Variants in DVL1 observed in about 807,000 individuals in gnomAD.
DVL1 encodes dishevelled segment polarity protein 1, also known as segment polarity protein dishevelled homolog DVL-1.
DVL1 carries 49 observed loss-of-function variants against 65.0 expected under a neutral mutation model. The ratio of observed to expected loss-of-function variants is 0.75; its 90% confidence interval spans 0.60 to 0.96. The LOEUF is 0.96. Among genes scored for constraint, DVL1 ranks in the 40% least tolerant of loss-of-function variants. DVL1 has a pLI of 0.00. For synonymous variants in DVL1, 608 were observed against 433.9 expected (o/e 1.40, Z -4.99); for missense variants, 1,197 against 1,045.4 (o/e 1.15, Z -2.00).
intron 8 of DVL1, 112 bp downstream of exon 8, chr1:1,339,926 G>GCTACATGTCACC (rs1643730377): frequency 6.5e-7 from 1 of 1,545,432 alleles, no homozygotes; most frequent in Non-Finnish European, 8.7e-7. Context: ...CCCACCCGCA[G>GCTACATGTCACC]CCGCATGTCC....
Position 1,335,313 on chromosome 1 carries a change from A to G in DVL1, c.*829T>C, listed in dbSNP as rs1166881089. 1 of 152,260 alleles carries G rather than the reference A, an allele frequency of 6.6e-6. No individual in the cohort carries two copies. The highest frequency in any genetic ancestry group is 2.4e-5 in the African/African-American group (1 of 41,464). 9.4% of individuals were successfully genotyped at this position (152,260 alleles called of 1,614,324 possible). A position where few individuals can be genotyped will look rare whatever the true frequency, so the allele number is the denominator to read the frequency against. ...TTAAACGCTTTTTAGTGTTTAAAAT[A>G]AGCAGCATTTACACAGAAGCAGCTC... On this transcript the variant is annotated 3_prime_UTR_variant, in exon 15 of 15. Coordinates refer to ENST00000378888, the MANE Select transcript of DVL1 (RefSeq NM_001330311.2).
rs1323307022 is a variant in DVL1, at chr1:1,336,094, G to A, written c.*48C>T. On this transcript the variant is annotated 3_prime_UTR_variant, in exon 15 of 15. Coordinates refer to ENST00000378888, the MANE Select transcript of DVL1 (RefSeq NM_001330311.2). ...GCCCACGCGAGCTCTGCATGCGGCA[G>A]GACCGCCAGCTCCCCACCTCAGGCA... 3.9e-6 allele frequency: 6 copies of A among 1,550,700 alleles called. No homozygotes were observed. Among genetic ancestry groups the A allele is most frequent in the Admixed American group, 1.9e-5 (1 of 53,456 alleles).
At chr1:1,338,229 T>TTGGGGGG in intron 13 of DVL1, 40 bp downstream of exon 13, 3 of 1,522,366 alleles carry the variant, frequency 2.0e-6, no homozygotes, top group Non-Finnish European at 2.7e-6. Flanking sequence ...CCTCCGGCGT[T>TTGGGGGG]CCCCTCCCCC....
chr1:1,336,752 C>T (rs1376582138), intron 14 of DVL1, among the ~76,000 whole-genome samples: 3 of 152,282 alleles, frequency 2.0e-5, no homozygotes, highest in East Asian at 3.9e-4. Context: ...GCAAGCTGGG[C>T]GCCCCCACAC....
rs148933527 is a variant in DVL1 at position 1,341,741 on chromosome 1, G to A, written c.531C>T (p.Ser177=). ...RRRDVGLPPD[S]ASTALSSELE... is the part of the protein sequence containing the mutation. Reference sequence around the variant, plus strand: ...GCTCGCTGCTGAGGGCGGTGGACGCGCTGTCTGGGGGCAGCCCCACATCCC... The same window carrying A: ...GCTCGCTGCTGAGGGCGGTGGACGCACTGTCTGGGGGCAGCCCCACATCCC... The change falls in exon 5 of 15, where the codon AGC becomes AGT. Residue 177 remains serine (S), a synonymous_variant. Coordinates refer to ENST00000378888, the MANE Select transcript of DVL1 (RefSeq NM_001330311.2). 1.4e-3 allele frequency: 2,191 copies of A among 1,609,644 alleles called. 5 individuals are homozygous for A. Among genetic ancestry groups the A allele is most frequent in the Non-Finnish European group, 1.7e-3 (2,002 of 1,178,068 alleles).
chr1:1,342,903 C>T lies in DVL1; in HGVS notation c.171-145G>A, dbSNP rs540224673. The T allele has an allele frequency of 2.4e-4, 177 of 735,326 alleles. 1 individual carries two copies. The South Asian group carries it at 2.7e-3, about 11-fold the overall frequency. The allele number at this position is 735,326 out of a possible 1,614,324, so 45.6% of individuals were successfully genotyped here. A position where few individuals can be genotyped will look rare whatever the true frequency, so the allele number is the denominator to read the frequency against. ...GCTAGCGCATTCTCCTCTTGGGAAC[C>T]GTCCTTCCTCTCCGTCACATCCTGG... On this transcript the variant is annotated intron_variant, in intron 1 of 14. Transcript: ENST00000378888.
intron 1 of DVL1, among the ~76,000 whole-genome samples, chr1:1,343,071 CA>C (rs750233083): frequency 6.6e-6 from 1 of 152,170 alleles, no homozygotes; most frequent in Non-Finnish European, 1.5e-5. Context: ...GACATCCTCA[CA>C]GGGGCAGCTC....
chr1:1,339,684 T>C (rs751585831), intron 9 of DVL1, 35 bp from the exon 10 acceptor site: 24 of 1,612,298 alleles, frequency 1.5e-5, no homozygotes, highest in Non-Finnish European at 1.9e-5. Context: ...AAGGCCCCCA[T>C]GGTCCCACCT....
intron 1 of DVL1, among the ~76,000 whole-genome samples, chr1:1,348,433 G>A (rs1006123118): frequency 1.6e-4 from 25 of 152,218 alleles, no homozygotes; most frequent in Admixed American, 1.2e-3. Context: ...AGGGGGCCAG[G>A]AGAACCTGTC....
chr1:1,338,411 G>A lies in DVL1; in HGVS notation c.1365C>T (p.Tyr455=), dbSNP rs1375473781. The A allele has an allele frequency of 6.2e-7, 1 of 1,612,232 alleles. No individual in the cohort carries two copies. Among genetic ancestry groups the A allele is most frequent in the South Asian group, 1.1e-5 (1 of 91,072 alleles). Residue 455 remains tyrosine (Y), a synonymous_variant, in exon 13 of 15, where the codon TAC becomes TAT. Coordinates refer to ENST00000378888, the MANE Select transcript of DVL1 (RefSeq NM_001330311.2). ...GCTCCTTGAAGCCCTCCACGTGTGT[G>A]TACAGCCAGTCCACCACGTCCGCCC... The part of the protein sequence containing the change: ...VIGADVVDWL[Y]THVEGFKERR...
chr1:1,343,927 G>C (rs938555406), intron 1 of DVL1, among the ~76,000 whole-genome samples: 1 of 152,234 alleles, frequency 6.6e-6, no homozygotes, highest in Non-Finnish European at 1.5e-5. Flanking sequence ...CCCCAGGTCA[G>C]ATAGGCTTGG....
intron 5 of DVL1, 33 bp downstream of exon 5, chr1:1,341,634 C>T: frequency 1.9e-6 from 3 of 1,570,848 alleles, no homozygotes; most frequent in East Asian, 2.3e-5. Flanking sequence ...AGTGGGCACA[C>T]AGGCATACAC....
At chr1:1,343,028 C>A (rs1262160919) in intron 1 of DVL1, among the ~76,000 whole-genome samples, 1 of 152,124 alleles carries the variant, frequency 6.6e-6, no homozygotes, top group East Asian at 1.9e-4. Context: ...CATCCTGGGC[C>A]CCCACCCCCC....
In DVL1 at chr1:1,339,776, C is replaced by T. The variant is rs754444403; in HGVS notation, c.946G>A (p.Asp316Asn). The change falls in exon 9 of 15, where the codon GAT (aspartate) becomes AAT (asparagine). Residue 316 changes from aspartate (D) to asparagine (N), a missense_variant. Transcript: ENST00000378888. ...DVNFENMSNDDAVRVLREIVS... is the reference protein window; with the variant it reads ...DVNFENMSNDNAVRVLREIVS... ...ATCTCCCGCAGCACCCGCACGGCAT[C>T]GTCATTGCTCATGTTCTCAAAGTTC... The T allele has an allele frequency of 3.7e-6, 6 of 1,612,594 alleles. No individual in the cohort carries two copies. The Admixed American group carries it at 6.7e-5, about 18-fold the overall frequency.
In DVL1 at chr1:1,336,077, G is replaced by A. The variant is rs1301773908; in HGVS notation, c.*65C>T. Reference sequence around the variant, plus strand: ...GGCCCCCACGAAGGCAAGCCCACGCGAGCTCTGCATGCGGCAGGACCGCCA... The same window carrying A: ...GGCCCCCACGAAGGCAAGCCCACGCAAGCTCTGCATGCGGCAGGACCGCCA... On this transcript the variant is annotated 3_prime_UTR_variant, in exon 15 of 15. Transcript: ENST00000378888. 34 of 1,532,742 alleles carry A rather than the reference G, an allele frequency of 2.2e-5. 1 individual carries two copies. The East Asian group carries it at 3.1e-4, about 14-fold the overall frequency. The allele number at this position is 1,532,742 out of a possible 1,614,324, so 94.9% of individuals were successfully genotyped here. A position where few individuals can be genotyped will look rare whatever the true frequency, so the allele number is the denominator to read the frequency against.
chr1:1,344,580 C>T (rs1051690956), intron 1 of DVL1, among the ~76,000 whole-genome samples: 1 of 152,176 alleles, frequency 6.6e-6, no homozygotes, highest in East Asian at 1.9e-4. Flanking sequence ...CCCAGGCCAC[C>T]CAGGGCCAGG....
chr1:1,346,228 A>C (rs796274679), intron 1 of DVL1, among the ~76,000 whole-genome samples: 18 of 152,188 alleles, frequency 1.2e-4, no homozygotes, highest in African/African-American at 4.3e-4. Context: ...CACAACACCG[A>C]GGCCCATGGC....
intron 1 of DVL1, 38 bp from the exon 2 acceptor site, chr1:1,342,796 G>A (rs373968054): frequency 4.3e-5 from 69 of 1,606,288 alleles, no homozygotes; most frequent in Non-Finnish European, 5.8e-5. Flanking sequence ...CACCTGGGGG[G>A]CCCAACCCTG....
intron 1 of DVL1, 31 bp from the exon 2 acceptor site, chr1:1,342,789 C>G (rs1232572410): frequency 1.9e-6 from 3 of 1,608,366 alleles, no homozygotes; most frequent in Non-Finnish European, 2.6e-6. Context: ...GAGGCCCCAC[C>G]TGGGGGGCCC....
Sources: allele counts gnomAD v4.1 joint callset (sites outside exome capture counted in the v4.1 genomes callset), GRCh38; gene constraint gnomAD v4.1.1; transcripts MANE v1.5; gene names NCBI Gene and HGNC (gene_info 2026-07-23, HGNC 2026-07-21).